PLEKHG7: variants seen among roughly 807,000 people sequenced by gnomAD.
PLEKHG7 encodes the protein pleckstrin homology domain-containing family G member 7.
Under a neutral mutation model 85.2 loss-of-function variants are expected in PLEKHG7, and 77 were observed. That is an observed-to-expected ratio of 0.90 (90% confidence interval 0.75 to 1.09). The LOEUF (loss-of-function observed/expected upper bound fraction) is 1.09, where lower values mean the gene tolerates loss of function less well. Among genes scored for constraint, PLEKHG7 ranks in the 50% least tolerant of loss-of-function variants. PLEKHG7 has a pLI of 0.00. For synonymous variants in PLEKHG7, 301 were observed against 302.4 expected, an observed-to-expected ratio of 1.00 and a Z score of 0.05; for missense variants, 777 against 804.3, an observed-to-expected ratio of 0.97 and a Z score of 0.41.
Position 92,729,068 on chromosome 12 carries a change from G to A in PLEKHG7, c.606G>A (p.Val202=), listed in dbSNP as rs1871906730. The part of the protein sequence containing the change: ...GLEVFPGDLL[V]SDGAADYLCH... ...AGGTGTTCCCCGGGGACCTTCTGGT[G>A]TCAGATGGAGCTGCTGATTACCTAT... The change falls in exon 4 of 17, where the codon GTG becomes GTA. Residue 202 remains valine (V), a synonymous_variant. Coordinates refer to ENST00000344636, the MANE Select transcript of PLEKHG7 (RefSeq NM_001377329.1). 1 of 1,231,826 alleles carries A rather than the reference G, an allele frequency of 8.1e-7. No homozygotes were observed. Among genetic ancestry groups the A allele is most frequent in the Non-Finnish European group, 1.0e-6 (1 of 987,768 alleles). The allele number at this position is 1,231,826 out of a possible 1,614,324, so 76.3% of individuals were successfully genotyped here.
chr12:92,738,754 T>C (rs1193048234), intron 7 of PLEKHG7, among the ~76,000 whole-genome samples: 1 of 152,246 alleles, frequency 6.6e-6, no homozygotes, highest in African/African-American at 2.4e-5. Context: ...AAGACCATTA[T>C]GATGATCAAA....
chr12:92,733,667 G>A (rs1234901367), intron 5 of PLEKHG7, among the ~76,000 whole-genome samples: 2 of 152,100 alleles, frequency 1.3e-5, no homozygotes, highest in Non-Finnish European at 2.9e-5. Context: ...CAGGAGAAGG[G>A]GCATCTCCCC....
chr12:92,707,075 C>T lies in PLEKHG7; in HGVS notation c.444C>T (p.Ala148=). ...QPVNEGSLHQ[A]SLRQQEGHFL... ...TCAATGAAGGGTCCCTTCACCAGGC[C>T]TCTCTTCGGCAGCAAGAAGGCCACT... The change falls in exon 2 of 17, where the codon GCC becomes GCT. Residue 148 remains alanine (A), a synonymous_variant. Transcript: ENST00000344636. The T allele has an allele frequency of 1.9e-6, 3 of 1,614,160 alleles. No homozygotes were observed. Among genetic ancestry groups the T allele is most frequent in the Non-Finnish European group, 2.5e-6 (3 of 1,180,022 alleles).
chr12:92,769,340 C>T (rs561728086), intron 16 of PLEKHG7, among the ~76,000 whole-genome samples: 51 of 152,166 alleles, frequency 3.4e-4, no homozygotes, highest in African/African-American at 1.1e-3. Context: ...CTCACGCTTG[C>T]AGAGTTCTCC....
At chr12:92,733,974 T>C (rs1872064814) in intron 5 of PLEKHG7, among the ~76,000 whole-genome samples, 2 of 152,082 alleles carry the variant, frequency 1.3e-5, no homozygotes, top group African/African-American at 4.8e-5. Flanking sequence ...TGCTAAATGG[T>C]TGGCACTATG....
At chr12:92,736,689 T>A in intron 6 of PLEKHG7, 112 bp downstream of exon 6, 1 of 590,516 alleles carries the variant, frequency 1.7e-6, no homozygotes, top group Non-Finnish European at 2.5e-6. Flanking sequence ...TTGTTTATAG[T>A]AAGAGCAAAA....
intron 4 of PLEKHG7, 39 bp downstream of exon 4, chr12:92,729,159 G>A: frequency 8.1e-7 from 1 of 1,231,138 alleles, no homozygotes; most frequent in Non-Finnish European, 1.0e-6. Context: ...CATGCCCACT[G>A]TGGAACAGAT....
At chr12:92,722,583 C>T (rs1262201131) in intron 3 of PLEKHG7, among the ~76,000 whole-genome samples, 1 of 152,148 alleles carries the variant, frequency 6.6e-6, no homozygotes, top group African/African-American at 2.4e-5. Context: ...TCCCTATGTG[C>T]AAATTCAACT....
chr12:92,747,590 A>G (rs903832738), intron 10 of PLEKHG7, among the ~76,000 whole-genome samples: 3 of 152,338 alleles, frequency 2.0e-5, no homozygotes, highest in Middle Eastern at 3.4e-3. Flanking sequence ...CAGTGTATCA[A>G]AGGAATACCT....
At chr12:92,761,670 GAAAGAAAGAAAGA>G (rs1873032911) in intron 13 of PLEKHG7, 69 bp from the exon 14 acceptor site, 1 of 1,278,398 alleles carries the variant, frequency 7.8e-7, no homozygotes, top group Non-Finnish European at 1.0e-6. Flanking sequence ...AAGAAAGAAA[GAAAGAAAGAAAGA>G]AAGGGAAAGA....
intron 6 of PLEKHG7, 69 bp downstream of exon 6, chr12:92,736,646 C>G (rs778024196): frequency 8.6e-5 from 85 of 989,012 alleles, no homozygotes; most frequent in Non-Finnish European, 1.1e-4. Context: ...TGGGGAAGGT[C>G]GGGTCAGTAT....
Position 92,755,948 on chromosome 12 carries a change from A to G in PLEKHG7, c.1542+8A>G. The G allele has an allele frequency of 6.3e-7, 1 of 1,576,100 alleles. No individual in the cohort carries two copies. Among genetic ancestry groups the G allele is most frequent in the East Asian group, 2.2e-5 (1 of 44,664 alleles). The stretch of plus-strand genomic sequence containing the variant: ...AGGTTTTTCATTCCAGAGGTACAAA[A>G]AAAAAATCAATTAGGACTTATGTCC... On this transcript the variant is annotated splice_region_variant and intron_variant, in intron 12 of 16. Coordinates refer to ENST00000344636, the MANE Select transcript of PLEKHG7 (RefSeq NM_001377329.1).
Position 92,769,270 on chromosome 12 carries a change from C to G in PLEKHG7, c.1968+190C>G, listed in dbSNP as rs150004405. Among the ~76,000 whole-genome samples the G allele has an allele frequency of 2.0e-3, 306 of 152,256 alleles. 3 individuals carry two copies. Among genetic ancestry groups the G allele is most frequent in the African/African-American group, 7.1e-3 (297 of 41,550 alleles). On this transcript the variant is annotated intron_variant, in intron 16 of 16. Coordinates refer to ENST00000344636, the MANE Select transcript of PLEKHG7 (RefSeq NM_001377329.1). ...CAAAAGCCTCAGTATTGACAATTTC[C>G]TCACACTTGTGGGGTTGAGGAACAA...
intron 15 of PLEKHG7, among the ~76,000 whole-genome samples, chr12:92,767,293 C>T (rs200873486): frequency 1.9e-4 from 29 of 152,180 alleles, no homozygotes; most frequent in East Asian, 7.7e-4. Flanking sequence ...CCTAGCTTAG[C>T]AGGTCCTTTT....
intron 15 of PLEKHG7, among the ~76,000 whole-genome samples, chr12:92,766,634 G>C (rs569149044): frequency 6.6e-6 from 1 of 152,130 alleles, no homozygotes; most frequent in Non-Finnish European, 1.5e-5. Flanking sequence ...CTTGAGGTCA[G>C]GAGTTCAAGA....
At chr12:92,761,397 G>A (rs889677013) in intron 13 of PLEKHG7, among the ~76,000 whole-genome samples, 1 of 152,022 alleles carries the variant, frequency 6.6e-6, no homozygotes, top group Admixed American at 6.6e-5. Flanking sequence ...AATGTTGGAA[G>A]CTTGGCCTCT....
chr12:92,750,609 C>T (rs1453121419), intron 10 of PLEKHG7, among the ~76,000 whole-genome samples: 3 of 152,208 alleles, frequency 2.0e-5, no homozygotes, highest in Non-Finnish European at 2.9e-5. Flanking sequence ...AGGGGCCTAA[C>T]TGCTGCTGAG....
chr12:92,745,470 T>A lies in PLEKHG7; in HGVS notation c.1138-8T>A. The A allele has an allele frequency of 6.3e-7, 1 of 1,584,826 alleles. No individual in the cohort carries two copies. The highest frequency in any genetic ancestry group is 8.7e-7 in the Non-Finnish European group (1 of 1,153,462). ...GTTCATCCTCCTTCTGCTCTTCCTT[T>A]CTTGCAGTATTTCCGAGGGAGTCTC... On this transcript the variant is annotated splice_polypyrimidine_tract_variant and splice_region_variant and intron_variant, in intron 9 of 16. Transcript: ENST00000344636.
chr12:92,731,735 G>A (rs1328735209), intron 4 of PLEKHG7, among the ~76,000 whole-genome samples: 1 of 152,140 alleles, frequency 6.6e-6, no homozygotes. Flanking sequence ...TCCCTATTTT[G>A]GGAGTCTTCA....
Sources: allele counts gnomAD v4.1 joint callset (sites outside exome capture counted in the v4.1 genomes callset), GRCh38; gene constraint gnomAD v4.1.1; transcripts MANE v1.5; gene names NCBI Gene and HGNC (gene_info 2026-07-23, HGNC 2026-07-21).